The following DNAH10 variants were observed in gnomAD, a reference collection of about 807,000 sequenced individuals.
DNAH10 encodes dynein axonemal heavy chain 10.
Under a neutral mutation model 506.6 loss-of-function variants are expected in DNAH10, and 348 were observed. The ratio of observed to expected loss-of-function variants is 0.69; its 90% confidence interval spans 0.63 to 0.75. The LOEUF (loss-of-function observed/expected upper bound fraction) is 0.75. DNAH10 is among the 30% of genes least tolerant of loss of function. DNAH10 has a pLI of 0.00. For synonymous variants in DNAH10, 2,059 were observed against 2,198.6 expected, an observed-to-expected ratio of 0.94 and a Z score of 1.78; for missense variants, 5,179 against 5,787.1, an observed-to-expected ratio of 0.89 and a Z score of 3.41.
chr12:123,885,481 C>T lies in DNAH10; in HGVS notation c.8824-1661C>T, dbSNP rs111593463. ...TTTGAATATTGTTCATTTTTTTTTC[C>T]CTATAGGATCACTTTCTTTAGAGAT... On this transcript the variant is annotated intron_variant, in intron 51 of 78. Coordinates refer to ENST00000673944, the MANE Select transcript of DNAH10 (RefSeq NM_001372106.1). Among the ~76,000 whole-genome samples, 565 of 151,298 alleles carry T rather than the reference C, an allele frequency of 3.7e-3. 4 individuals carry two copies. The highest frequency in any genetic ancestry group is 0.013 in the African/African-American group (538 of 41,256).
intron 49 of DNAH10, 87 bp downstream of exon 49, chr12:123,879,444 T>C: frequency 1.3e-6 from 2 of 1,505,440 alleles, no homozygotes; most frequent in Non-Finnish European, 1.8e-6. Context: ...AGGACGCGAA[T>C]TGTGGAAAAA....
In DNAH10 at chr12:123,844,500, G is replaced by T. The variant is rs77251237; in HGVS notation, c.5361-1100G>T. ...AACATGAAAAGAGGAGAAACCCCAC[G>T]ACTCAGCAGGATCTGTACATTAAGG... On this transcript the variant is annotated intron_variant, in intron 30 of 78. Coordinates refer to ENST00000673944, the MANE Select transcript of DNAH10 (RefSeq NM_001372106.1). 9.7e-3 allele frequency among the ~76,000 whole-genome samples: 1,481 copies of T among 152,234 alleles called. 18 individuals are homozygous for T. The highest frequency in any genetic ancestry group is 0.034 in the African/African-American group (1,398 of 41,538).
chr12:123,825,855 G>C (rs1222101624), intron 24 of DNAH10, among the ~76,000 whole-genome samples: 2 of 152,200 alleles, frequency 1.3e-5, no homozygotes, highest in Admixed American at 1.3e-4. Flanking sequence ...AGGTGTGGTG[G>C]CTCATGCCTG....
intron 29 of DNAH10, 91 bp from the exon 30 acceptor site, chr12:123,841,231 G>GT: frequency 7.4e-7 from 1 of 1,359,778 alleles, no homozygotes; most frequent in Non-Finnish European, 1.0e-6. Context: ...TGCTTGCATC[G>GT]TGGCAGCTCT....
Position 123,928,116 on chromosome 12 carries a change from G to A in DNAH10, c.12106-271G>A. On this transcript the variant is annotated intron_variant, in intron 69 of 78. Transcript: ENST00000673944. This position sits in a 1 kb window ranked among gnomAD's most constrained non-coding sequence, Gnocchi z 4.9. ...CAGGAGCGACTGTGTGGGAGGAGCT[G>A]GGACTTCCAGGGCCAGGGAGGCAGA... The A allele has an allele frequency of 1.8e-6, 1 of 560,002 alleles. No homozygotes were observed. Among genetic ancestry groups the A allele is most frequent in the Non-Finnish European group, 3.2e-6 (1 of 312,962 alleles). 34.7% of individuals were successfully genotyped at this position (560,002 alleles called of 1,614,324 possible).
chr12:123,765,589 T>TATCTATCTATCTA (rs1566306408), intron 1 of DNAH10, among the ~76,000 whole-genome samples: 1 of 150,848 alleles, frequency 6.6e-6, no homozygotes, highest in African/African-American at 2.5e-5. Context: ...TCTATCTATC[T>TATCTATCTATCTA]ATCTATCTAT....
chr12:123,902,959 G>T lies in DNAH10; in HGVS notation c.9661G>T (p.Ala3221Ser). ...TGCAGCCGAGGAGAAGAAGAAACTG[G>T]CAGAGGAAAAGGCCATGGAGATAGA... ...TAVAEEKKKL[A>S]EEKAMEIEEQ... Residue 3221 changes from alanine (A) to serine (S), a missense_variant, in exon 57 of 79, where the codon GCA becomes TCA. Physicochemically the swap from Ala to Ser is moderately conservative, Grantham distance 99 (BLOSUM62 1). Coordinates refer to ENST00000673944, the MANE Select transcript of DNAH10 (RefSeq NM_001372106.1). This position sits in a 1 kb window ranked among gnomAD's most constrained non-coding sequence, Gnocchi z 4.5. 6.3e-7 allele frequency: 1 copy of T among 1,589,338 alleles called. No homozygotes were observed. The highest frequency in any genetic ancestry group is 8.6e-7 in the Non-Finnish European group (1 of 1,168,280).
chr12:123,869,939 G>A (rs1254539826), intron 43 of DNAH10, among the ~76,000 whole-genome samples: 5 of 152,212 alleles, frequency 3.3e-5, no homozygotes, highest in Non-Finnish European at 5.9e-5. Flanking sequence ...TCCTGCTGCA[G>A]CACTTATGGC....
At chr12:123,772,966 G>C (rs917378160) in intron 4 of DNAH10, 24 bp downstream of exon 4, 1 of 1,535,616 alleles carries the variant, frequency 6.5e-7, no homozygotes. Context: ...ACGTGTGTGT[G>C]TATGTGTGTT....
intron 24 of DNAH10, among the ~76,000 whole-genome samples, chr12:123,821,969 G>A (rs551353032): frequency 6.6e-6 from 1 of 152,310 alleles, no homozygotes; most frequent in Admixed American, 6.5e-5. Context: ...CACTTTGGGA[G>A]GCAAGGCGGG....
chr12:123,785,720 G>A lies in DNAH10; in HGVS notation c.1231-26G>A. ...TTGGACCCCAAGGCTAAGGGCTCTTGCGTGGCTCTCTCCTCTCTTGGTCAG... is the reference window on the plus strand; with the variant it reads ...TTGGACCCCAAGGCTAAGGGCTCTTACGTGGCTCTCTCCTCTCTTGGTCAG... On this transcript the variant is annotated intron_variant, in intron 8 of 78. Coordinates refer to ENST00000673944, the MANE Select transcript of DNAH10 (RefSeq NM_001372106.1). The surrounding 1 kb of genome is among the most constrained non-coding windows in gnomAD (Gnocchi z 4.1). 1.9e-6 allele frequency: 3 copies of A among 1,539,536 alleles called. No homozygotes were observed. Among genetic ancestry groups the A allele is most frequent in the Non-Finnish European group, 2.6e-6 (3 of 1,132,328 alleles).
chr12:123,868,221 C>A, intron 43 of DNAH10, 102 bp downstream of exon 43: 1 of 1,088,296 alleles, frequency 9.2e-7, no homozygotes, highest in Non-Finnish European at 1.3e-6. Flanking sequence ...TATGAGTTTT[C>A]CAGATTGTTT....
chr12:123,782,359 C>A (rs1957691893), intron 6 of DNAH10, among the ~76,000 whole-genome samples: 1 of 110,930 alleles, frequency 9.0e-6, no homozygotes, highest in Non-Finnish European at 1.8e-5. Flanking sequence ...CCCTCCCCTT[C>A]TCTCCCCTCC....
At position 123,777,744 on chromosome 12, in the gene DNAH10, T is replaced by C. The variant is rs145904631; in HGVS notation, c.622-3336T>C. Among the ~76,000 whole-genome samples the C allele has an allele frequency of 6.2e-3, 948 of 152,234 alleles. 18 individuals carry two copies. The highest frequency in any genetic ancestry group is 0.021 in the African/African-American group (881 of 41,556). ...CACTGCAGCCTTAACCTCCCAGGCT[T>C]AAACGATCCTCCCACCTCAGCCTCC... On this transcript the variant is annotated intron_variant, in intron 5 of 78. Coordinates refer to ENST00000673944, the MANE Select transcript of DNAH10 (RefSeq NM_001372106.1).
chr12:123,909,495 C>T lies in DNAH10; in HGVS notation c.9997+53C>T, dbSNP rs1477007744. 4 of 1,492,652 alleles carry T rather than the reference C, an allele frequency of 2.7e-6. No homozygotes were observed. Among genetic ancestry groups the T allele is most frequent in the Admixed American group, 4.3e-5 (2 of 46,268 alleles). The allele number at this position is 1,492,652 out of a possible 1,614,324, so 92.5% of individuals were successfully genotyped here. A position where few individuals can be genotyped will look rare whatever the true frequency, so the allele number is the denominator to read the frequency against. On this transcript the variant is annotated intron_variant, in intron 58 of 78. Coordinates refer to ENST00000673944, the MANE Select transcript of DNAH10 (RefSeq NM_001372106.1). The surrounding 1 kb of genome is among the most constrained non-coding windows in gnomAD (Gnocchi z 5.4). ...CAGGGTGGATCTCGGTCTGGCATCTCAGGCTCTGGGACAGGGATGGAGGGC... is the reference window on the plus strand; with the variant it reads ...CAGGGTGGATCTCGGTCTGGCATCTTAGGCTCTGGGACAGGGATGGAGGGC...
rs571097760 is a variant in DNAH10, at chr12:123,935,410, G to C, written c.13699G>C (p.Asp4567His). Residue 4567 changes from aspartate (D) to histidine (H), a missense_variant, in exon 79 of 79, where the codon GAT (aspartate) becomes CAT (histidine). Transcript: ENST00000673944. ...AMGVGLVFEA[D>H]LFTTRHISHW... ...GGGAGTCGGCTTGGTTTTTGAAGCT[G>C]ATCTCTTTACCACGAGGCACATTTC... 6.2e-7 allele frequency: 1 copy of C among 1,611,854 alleles called. No individual in the cohort carries two copies. Among genetic ancestry groups the C allele is most frequent in the South Asian group, 1.1e-5 (1 of 91,016 alleles).
intron 1 of DNAH10, among the ~76,000 whole-genome samples, chr12:123,763,031 G>T (rs1188796521): frequency 2.0e-5 from 3 of 152,168 alleles, no homozygotes; most frequent in Admixed American, 2.0e-4. Context: ...TCTCCTTGAC[G>T]GTCGCAGCCT....
chr12:123,804,175 A>G (rs1331050295), intron 17 of DNAH10, among the ~76,000 whole-genome samples: 1 of 151,950 alleles, frequency 6.6e-6, no homozygotes, highest in African/African-American at 2.4e-5. Context: ...TTTGTTGATA[A>G]CTTTGTAACA....
intron 28 of DNAH10, among the ~76,000 whole-genome samples, chr12:123,836,757 C>T (rs546903781): frequency 4.6e-5 from 7 of 152,194 alleles, no homozygotes; most frequent in South Asian, 2.1e-4. Context: ...CGGTGACTCA[C>T]GCCTGTAATC....
Sources: allele counts gnomAD v4.1 joint callset (sites outside exome capture counted in the v4.1 genomes callset), GRCh38; gene constraint gnomAD v4.1.1; non-coding constraint Gnocchi (gnomAD v3.1); transcripts MANE v1.5; gene names NCBI Gene and HGNC (gene_info 2026-07-23, HGNC 2026-07-21).